Variants in MAF observed in about 807,000 individuals in gnomAD.
MAF encodes MAF bZIP transcription factor.
In MAF, 10 loss-of-function variants were observed where a neutral mutation model predicts 22.0. The ratio of observed to expected loss-of-function variants is 0.45; its 90% CI spans 0.28 to 0.77. MAF has a LOEUF of 0.77. Among genes scored for constraint, MAF ranks in the 30% least tolerant of loss-of-function variants. The pLI, the probability that MAF is intolerant of heterozygous loss-of-function variation, is 0.12. For synonymous variants in MAF, 337 were observed against 255.8 expected, an observed-to-expected ratio of 1.32 and a Z score of -3.03; for missense variants, 544 against 548.4, an observed-to-expected ratio of 0.99 and a Z score of 0.08.
At chr16:79,474,665 G>C in the MAF span, among the ~76,000 whole-genome samples, 1 of 151,798 alleles carries the variant, frequency 6.6e-6, no homozygotes, top group Non-Finnish European at 1.5e-5. Flanking sequence ...TTCTTTTTTT[G>C]TCCCATCTGG....
downstream of MAF, among the ~76,000 whole-genome samples, chr16:79,581,407 G>A (rs191597466): frequency 5.9e-5 from 9 of 152,142 alleles, no homozygotes; most frequent in African/African-American, 9.7e-5. Context: ...GCAGAGGGGG[G>A]AGTCAACCCT....
chr16:79,385,895 A>C, the MAF span, among the ~76,000 whole-genome samples: 2 of 152,138 alleles, frequency 1.3e-5, no homozygotes, highest in Non-Finnish European at 2.9e-5. Flanking sequence ...CTAAAGAGAG[A>C]CTCTGTAACG....
At chr16:79,255,107 G>A in the MAF span, among the ~76,000 whole-genome samples, 1 of 152,100 alleles carries the variant, frequency 6.6e-6, no homozygotes, top group Admixed American at 6.5e-5. Flanking sequence ...ACACACCAAG[G>A]GCTAAATTGT....
At chr16:79,428,730 A>G in the MAF span, among the ~76,000 whole-genome samples, 1 of 152,036 alleles carries the variant, frequency 6.6e-6, no homozygotes, top group South Asian at 2.1e-4. Flanking sequence ...CTGTAGTTCT[A>G]GCTACTTGGG....
chr16:79,436,674 A>C, the MAF span, among the ~76,000 whole-genome samples: 5 of 152,374 alleles, frequency 3.3e-5, no homozygotes, highest in East Asian at 3.9e-4. Context: ...AAAGACATTT[A>C]AAAGGGAGAC....
the MAF span, among the ~76,000 whole-genome samples, chr16:79,434,615 A>G: frequency 6.6e-6 from 1 of 151,762 alleles, no homozygotes; most frequent in Non-Finnish European, 1.5e-5. Context: ...ATATACTTTT[A>G]AAGCACAATA....
the MAF span, among the ~76,000 whole-genome samples, chr16:79,413,228 T>G: frequency 7.5e-5 from 2 of 26,704 alleles, no homozygotes; most frequent in Admixed American, 4.8e-4. Context: ...TTTTTTTTTT[T>G]TTTTTTTTTT....
chr16:79,254,226 C>A, the MAF span, among the ~76,000 whole-genome samples: 1 of 152,096 alleles, frequency 6.6e-6, no homozygotes, highest in Non-Finnish European at 1.5e-5. Flanking sequence ...TTTTGACATA[C>A]TCCTGTGGTT....
At position 79,594,822 on chromosome 16, in the gene MAF, C is replaced by A. The variant is rs544983395; in HGVS notation, c.1119-269G>T. The A allele has an allele frequency of 7.2e-6, 9 of 1,249,692 alleles. No individual in the cohort carries two copies. In the South Asian group the frequency reaches 1.8e-4, roughly 25 times the overall value. 77.4% of individuals were successfully genotyped at this position (1,249,692 alleles called of 1,614,324 possible). A position where few individuals can be genotyped will look rare whatever the true frequency, so the allele number is the denominator to read the frequency against. On this transcript the variant is annotated intron_variant, in intron 1 of 1. Coordinates refer to ENST00000326043, the MANE Select transcript of MAF (RefSeq NM_005360.5). ...GGAGTTAACCTTCTCTTACAGCCAGCCACTCAAACCTCATTTTTGCCAGCA... is the reference window on the plus strand; with the variant it reads ...GGAGTTAACCTTCTCTTACAGCCAGACACTCAAACCTCATTTTTGCCAGCA...
the MAF span, among the ~76,000 whole-genome samples, chr16:79,406,401 T>C: frequency 6.6e-6 from 1 of 152,194 alleles, no homozygotes; most frequent in East Asian, 1.9e-4. Flanking sequence ...CTCACAGTTC[T>C]AGAGGCTGGG....
chr16:79,352,340 G>A, the MAF span, among the ~76,000 whole-genome samples: 29 of 152,144 alleles, frequency 1.9e-4, no homozygotes, highest in South Asian at 4.1e-4. Flanking sequence ...GTGCTCTGGG[G>A]CACTTGGGTC....
intron 1 of MAF, 89 bp downstream of exon 1, chr16:79,598,696 T>C (rs1913749855): frequency 1.3e-6 from 2 of 1,583,524 alleles, no homozygotes; most frequent in South Asian, 1.1e-5. Context: ...GTGGCGAGCA[T>C]GGCTCTAGAA....
chr16:79,557,176 A>AG, the MAF span, among the ~76,000 whole-genome samples: 4 of 39,476 alleles, frequency 1.0e-4, no homozygotes. Context: ...AGTTTTTTTT[A>AG]TTCAATTCCA....
intron 1 of MAF, among the ~76,000 whole-genome samples, chr16:79,587,993 C>G (rs1912956992): frequency 6.6e-6 from 1 of 152,026 alleles, no homozygotes. Flanking sequence ...AAAAGGAGGT[C>G]TCACATCGGG....
the MAF span, among the ~76,000 whole-genome samples, chr16:79,446,445 C>T: frequency 6.6e-6 from 1 of 152,134 alleles, no homozygotes; most frequent in African/African-American, 2.4e-5. Flanking sequence ...ATTAATAGCA[C>T]CCTTTCACCT....
At chr16:79,272,077 G>C in the MAF span, among the ~76,000 whole-genome samples, 1 of 152,178 alleles carries the variant, frequency 6.6e-6, no homozygotes, top group Non-Finnish European at 1.5e-5. Flanking sequence ...ATACTTGGGT[G>C]GGGGGATGTC....
the MAF span, among the ~76,000 whole-genome samples, chr16:79,355,129 T>A: frequency 2.0e-5 from 3 of 152,206 alleles, no homozygotes; most frequent in Admixed American, 2.0e-4. Context: ...TTAGGACAAT[T>A]AATCCAAAGT....
chr16:79,533,748 T>TGACCTCTGTGCCACCTCCCAGC, the MAF span, among the ~76,000 whole-genome samples: 1 of 152,176 alleles, frequency 6.6e-6, no homozygotes, highest in Admixed American at 6.5e-5. Context: ...CACCTCCCAG[T>TGACCTCTGTGCCACCTCCCAGC]GACCTCTGTG....
rs192594275 is a variant in MAF at position 79,597,110 on chromosome 16, A to G, written c.1118+1675T>C. The G allele has an allele frequency of 2.1e-3, 2,226 of 1,058,856 alleles. 7 individuals carry two copies. The highest frequency in any genetic ancestry group is 2.4e-3 in the Non-Finnish European group (2,107 of 875,004). The allele number at this position is 1,058,856 out of a possible 1,614,324, so 65.6% of individuals were successfully genotyped here. On this transcript the variant is annotated intron_variant, in intron 1 of 1. Coordinates refer to ENST00000326043, the MANE Select transcript of MAF (RefSeq NM_005360.5). ...TATTTAAGTTGCAAGCACATGCTGT[A>G]TAAGCTACTTTTTTTAAACAGTCCC... is the stretch of plus-strand genomic sequence containing the variant.
Sources: allele counts gnomAD v4.1 joint callset (sites outside exome capture counted in the v4.1 genomes callset), GRCh38; gene constraint gnomAD v4.1.1; transcripts MANE v1.5; gene names NCBI Gene and HGNC (gene_info 2026-07-23, HGNC 2026-07-21).